Variants in CHAF1A observed in about 807,000 individuals in gnomAD.
CHAF1A encodes CAF-1 subunit A.
Under a neutral mutation model 93.2 loss-of-function variants are expected in CHAF1A, and 5 were observed. The observed-to-expected ratio is 0.05, with a 90% CI of 0.03 to 0.11. CHAF1A has a LOEUF of 0.11. Ranked by LOEUF, CHAF1A falls within the 10% of genes least tolerant of loss-of-function variation. The pLI is 1.00. For missense variants in CHAF1A, 1,102 were observed against 1,259.9 expected, an observed-to-expected ratio of 0.87 and a Z score of 1.90; for synonymous variants, 504 against 510.3, an observed-to-expected ratio of 0.99 and a Z score of 0.17.
intron 8 of CHAF1A, 110 bp downstream of exon 8, chr19:4,429,000 C>T (rs1042797056): frequency 2.3e-6 from 2 of 863,412 alleles, no homozygotes; most frequent in Non-Finnish European, 3.6e-6. Flanking sequence ...TGCTTGCTTC[C>T]TAGTGCCCTC....
chr19:4,428,929 T>C lies in CHAF1A; in HGVS notation c.1604+39T>C, dbSNP rs376393055. On this transcript the variant is annotated intron_variant, in intron 8 of 14. Transcript: ENST00000301280. ...GAGGTCGGCCTTCACCCACTAGTGA[T>C]GCTGGAGGCCAGCATCCTGAACCCT... The C allele has an allele frequency of 7.9e-5, 123 of 1,553,742 alleles. No individual in the cohort carries two copies. The African/African-American group carries it at 1.6e-3, about 20-fold the overall frequency.
At chr19:4,406,007 TCTTC>T (rs1181973405) in intron 2 of CHAF1A, 45 bp downstream of exon 2, 2 of 1,489,088 alleles carry the variant, frequency 1.3e-6, no homozygotes, top group Admixed American at 1.7e-5. Flanking sequence ...TAGTTTATAG[TCTTC>T]CTTGTCTCTT....
Position 4,428,644 on chromosome 19 carries a change from G to A in CHAF1A, c.1378-20G>A, listed in dbSNP as rs766256779. The A allele has an allele frequency of 4.4e-6, 7 of 1,599,756 alleles. No individual in the cohort carries two copies. The highest frequency in any genetic ancestry group is 2.7e-5 in the African/African-American group (2 of 74,584). ...TCTCCCATTGCTCGAAGACCCCATC[G>A]GGTCTCTTCTTGATTTCAGACCCTG... is the stretch of plus-strand genomic sequence containing the variant. On this transcript the variant is annotated intron_variant, in intron 7 of 14. Coordinates refer to ENST00000301280, the MANE Select transcript of CHAF1A (RefSeq NM_005483.3).
At chr19:4,444,151 G>A (rs992991449), downstream of CHAF1A, among the ~76,000 whole-genome samples, 1 of 152,188 alleles carries the variant, frequency 6.6e-6, no homozygotes, top group Non-Finnish European at 1.5e-5. Context: ...ACGCAGGACT[G>A]GAGTGACAGC....
chr19:4,447,336 G>T, downstream of CHAF1A: 1 of 593,576 alleles, frequency 1.7e-6, no homozygotes, highest in Non-Finnish European at 3.0e-6. Flanking sequence ...GTGAGGAGAG[G>T]CAGAATTTGT....
chr19:4,423,332 C>T lies in CHAF1A; in HGVS notation c.1248-3C>T, dbSNP rs1180291024. The T allele has an allele frequency of 4.3e-6, 7 of 1,613,900 alleles. No homozygotes were observed. In the African/African-American group the frequency reaches 6.7e-5, roughly 15 times the overall value. On this transcript the variant is annotated splice_polypyrimidine_tract_variant and splice_region_variant and intron_variant, in intron 5 of 14. Coordinates refer to ENST00000301280, the MANE Select transcript of CHAF1A (RefSeq NM_005483.3). ...GGCTGAAATGTCATTTGCTGTCTCA[C>T]AGGGCTAAACTTGAGGAAAAAAGGA...
chr19:4,423,269 G>A (rs1454449604), intron 5 of CHAF1A, 66 bp from the exon 6 acceptor site: 1 of 1,600,580 alleles, frequency 6.2e-7, no homozygotes, highest in Non-Finnish European at 8.5e-7. Context: ...ACTAACAGTT[G>A]AGTGCTGCGG....
chr19:4,438,382 G>A (rs201454935), intron 13 of CHAF1A, among the ~76,000 whole-genome samples: 1 of 130,742 alleles, frequency 7.6e-6, no homozygotes, highest in Non-Finnish European at 1.7e-5. Flanking sequence ...TTGTTTTGTA[G>A]ATATTGGGTC....
intron 4 of CHAF1A, among the ~76,000 whole-genome samples, chr19:4,419,569 A>C (rs1199424118): frequency 2.0e-5 from 3 of 151,990 alleles, no homozygotes; most frequent in Non-Finnish European, 4.4e-5. Flanking sequence ...AGCTGGGATT[A>C]TAGGCACGAG....
intron 3 of CHAF1A, among the ~76,000 whole-genome samples, chr19:4,416,471 G>A (rs184773945): frequency 3.3e-5 from 5 of 152,316 alleles, no homozygotes; most frequent in Middle Eastern, 3.4e-3. Flanking sequence ...GATCCTATTG[G>A]TAATTCCTAG....
chr19:4,440,179 A>C (rs992749577), intron 13 of CHAF1A, among the ~76,000 whole-genome samples: 1 of 152,068 alleles, frequency 6.6e-6, no homozygotes, highest in African/African-American at 2.4e-5. Flanking sequence ...TCCCTACTGA[A>C]ATAAGTGTGG....
intron 13 of CHAF1A, among the ~76,000 whole-genome samples, chr19:4,437,735 T>TTTTTATTTTATTTTATTTTA (rs55965925): frequency 1.5e-4 from 23 of 149,168 alleles, no homozygotes; most frequent in African/African-American, 5.4e-4. Context: ...GTTTTCATCT[T>TTTTTATTTTATTTTATTTTA]TTTTATTTTA....
intron 1 of CHAF1A, among the ~76,000 whole-genome samples, chr19:4,404,272 G>A (rs570630437): frequency 2.0e-5 from 3 of 152,312 alleles, no homozygotes; most frequent in Non-Finnish European, 2.9e-5. Flanking sequence ...TGTGTTAATC[G>A]TGTGTATCTT....
At chr19:4,434,590 G>C (rs527280414) in intron 13 of CHAF1A, among the ~76,000 whole-genome samples, 28 of 152,146 alleles carry the variant, frequency 1.8e-4, no homozygotes, top group Non-Finnish European at 2.9e-4. Flanking sequence ...AGCTGGAATC[G>C]CATCGTGTGT....
At position 4,443,271 on chromosome 19, in the gene CHAF1A, G is replaced by C. The variant is rs919806156; in HGVS notation, c.*246G>C. ...TTGCTGGCCTATTGGGGAAGCCTGC[G>C]GGCACAGGAGCAGGCGTGGAATCCA... is the stretch of plus-strand genomic sequence containing the variant. On this transcript the variant is annotated 3_prime_UTR_variant, in exon 15 of 15. Coordinates refer to ENST00000301280, the MANE Select transcript of CHAF1A (RefSeq NM_005483.3). 2.0e-6 allele frequency: 1 copy of C among 489,924 alleles called. No individual in the cohort carries two copies. The highest frequency in any genetic ancestry group is 2.0e-5 in the African/African-American group (1 of 51,232). 30.3% of individuals were successfully genotyped at this position (489,924 alleles called of 1,614,324 possible).
chr19:4,428,628 G>A lies in CHAF1A; in HGVS notation c.1378-36G>A, dbSNP rs746326177. ...TCCATGGTGCCTCCTTTCTCCCATT[G>A]CTCGAAGACCCCATCGGGTCTCTTC... On this transcript the variant is annotated intron_variant, in intron 7 of 14. Coordinates refer to ENST00000301280, the MANE Select transcript of CHAF1A (RefSeq NM_005483.3). 3.2e-6 allele frequency: 5 copies of A among 1,572,004 alleles called. No individual in the cohort carries two copies. In the South Asian group the frequency reaches 5.5e-5, roughly 17 times the overall value.
At chr19:4,419,438 C>CT (rs939487225) in intron 4 of CHAF1A, among the ~76,000 whole-genome samples, 20 of 146,680 alleles carry the variant, frequency 1.4e-4, no homozygotes, top group East Asian at 2.0e-4. Flanking sequence ...TATTTTATTA[C>CT]TTTTTTTTTT....
At chr19:4,442,386 C>T (rs1280508108) in intron 14 of CHAF1A, 45 bp downstream of exon 14, 6 of 1,468,102 alleles carry the variant, frequency 4.1e-6, no homozygotes, top group East Asian at 2.4e-5. Context: ...GAGGTGGGCG[C>T]TGGAGGTAAA....
At position 4,433,842 on chromosome 19, in the gene CHAF1A, C is replaced by T. The variant is rs1287799708; in HGVS notation, c.2673+303C>T. On this transcript the variant is annotated intron_variant, in intron 13 of 14. Transcript: ENST00000301280. The surrounding 1 kb of genome is among the most constrained non-coding windows in gnomAD (Gnocchi z 5.6). ...GTCTCGAACTCCTGACCTCATGATC[C>T]GTCTGCCTTGTCCTCCCAAAGTGCT... Among the ~76,000 whole-genome samples the T allele has an allele frequency of 3.9e-5, 6 of 152,000 alleles. No individual in the cohort carries two copies. The highest frequency in any genetic ancestry group is 7.2e-5 in the African/African-American group (3 of 41,436).
Sources: allele counts gnomAD v4.1 joint callset (sites outside exome capture counted in the v4.1 genomes callset), GRCh38; gene constraint gnomAD v4.1.1; non-coding constraint Gnocchi (gnomAD v3.1); transcripts MANE v1.5; gene names NCBI Gene and HGNC (gene_info 2026-07-23, HGNC 2026-07-21).